The following SLC2A5 variants were observed in gnomAD, a reference collection of about 807,000 sequenced individuals.
The protein encoded by SLC2A5 is solute carrier family 2, facilitated glucose transporter member 5.
In SLC2A5, 56 loss-of-function variants were observed where a neutral mutation model predicts 50.3. The ratio of observed to expected loss-of-function variants is 1.11; its 90% CI spans 0.90 to 1.39. The LOEUF is 1.39. SLC2A5 is among the 40% of genes most tolerant of loss of function. SLC2A5 has a pLI of 0.00. For synonymous variants in SLC2A5, 269 were observed against 281.9 expected (o/e 0.95, Z 0.46); for missense variants, 566 against 650.1 (o/e 0.87, Z 1.41).
chr1:9,087,269 A>G (rs1642412641), intron 1 of SLC2A5, among the ~76,000 whole-genome samples: 1 of 151,162 alleles, frequency 6.6e-6, no homozygotes, highest in Non-Finnish European at 1.5e-5. Context: ...CAGTGGTGCA[A>G]TCTTGGCTCA....
intron 3 of SLC2A5, among the ~76,000 whole-genome samples, chr1:9,056,605 G>A (rs956652574): frequency 1.3e-5 from 2 of 151,986 alleles, no homozygotes; most frequent in South Asian, 2.1e-4. Flanking sequence ...ATCCCTAGAC[G>A]GGTTGGACAA....
At chr1:9,066,139 GTTGC>G (rs1642076220) in intron 1 of SLC2A5, among the ~76,000 whole-genome samples, 4 of 152,172 alleles carry the variant, frequency 2.6e-5, no homozygotes, top group African/African-American at 9.7e-5. Context: ...TACTCAACTA[GTTGC>G]TGGTGGAGCC....
chr1:9,068,211 C>CGA (rs992597309), intron 1 of SLC2A5, among the ~76,000 whole-genome samples: 8 of 101,232 alleles, frequency 7.9e-5, no homozygotes, highest in East Asian at 3.6e-4. Flanking sequence ...AAAAAAAAAG[C>CGA]GAGAGAGAGA....
chr1:9,084,954 T>C (rs12057692), intron 2 of SLC2A5: 36,737 of 152,260 alleles, frequency 0.24, 5,440 homozygotes, highest in East Asian at 0.51. Context: ...TTCCTGAATG[T>C]GGCGCATCAG....
chr1:9,037,443 G>A lies in SLC2A5; in HGVS notation c.*143C>T, dbSNP rs1641160153. ...GGCAGCCCTTTGCACAGTTCCCACT[G>A]GGGTGGGGAGGCTGGAGATGAGGAC... On this transcript the variant is annotated 3_prime_UTR_variant, in exon 12 of 12. Coordinates refer to ENST00000377424, the MANE Select transcript of SLC2A5 (RefSeq NM_003039.3). 1.4e-6 allele frequency: 1 copy of A among 704,494 alleles called. No individual in the cohort carries two copies. Among genetic ancestry groups the A allele is most frequent in the Admixed American group, 2.4e-5 (1 of 41,930 alleles). The allele number at this position is 704,494 out of a possible 1,614,324, so 43.6% of individuals were successfully genotyped here.
upstream of SLC2A5, among the ~76,000 whole-genome samples, chr1:9,093,169 G>C (rs1267039212): frequency 6.6e-6 from 1 of 152,040 alleles, no homozygotes; most frequent in African/African-American, 2.4e-5. Context: ...ACAGCCAGGA[G>C]ACTGGGTTCT....
intron 3 of SLC2A5, among the ~76,000 whole-genome samples, chr1:9,050,640 C>G (rs1224939128): frequency 6.6e-6 from 1 of 151,938 alleles, no homozygotes; most frequent in East Asian, 1.9e-4. Context: ...AAAAAAAAAT[C>G]TAGACAGTCT....
intron 3 of SLC2A5, among the ~76,000 whole-genome samples, 149 bp downstream of exon 3, chr1:9,057,292 TAAAAAAA>T (rs760221358): frequency 9.7e-5 from 10 of 103,440 alleles, no homozygotes; most frequent in Non-Finnish European, 1.7e-4. Context: ...TCTCAAAAAT[TAAAAAAA>T]AAAAAAAAAA....
intron 2 of SLC2A5, among the ~76,000 whole-genome samples, chr1:9,081,760 T>C (rs146984374): frequency 6.6e-6 from 1 of 152,166 alleles, no homozygotes; most frequent in East Asian, 1.9e-4. Context: ...TTAGGATGGC[T>C]ATCATACTTA....
intron 1 of SLC2A5, among the ~76,000 whole-genome samples, chr1:9,068,213 A>C (rs1362269549): frequency 5.0e-5 from 7 of 138,764 alleles, no homozygotes; most frequent in African/African-American, 2.7e-5. Context: ...AAAAAAAGCG[A>C]GAGAGAGAGA....
intron 2 of SLC2A5, among the ~76,000 whole-genome samples, chr1:9,078,538 C>T (rs1417185234): frequency 6.6e-6 from 1 of 152,080 alleles, no homozygotes; most frequent in African/African-American, 2.4e-5. Context: ...CCAGAAATTA[C>T]CACTAACGAA....
At chr1:9,038,590 G>A in intron 9 of SLC2A5, 84 bp from the exon 10 acceptor site, 1 of 1,310,904 alleles carries the variant, frequency 7.6e-7, no homozygotes, top group Admixed American at 1.9e-5. Context: ...CCTGGTGGGT[G>A]GAGGATGGCA....
upstream of SLC2A5, among the ~76,000 whole-genome samples, chr1:9,092,598 G>C (rs1437531239): frequency 6.6e-6 from 1 of 152,086 alleles, no homozygotes; most frequent in Admixed American, 6.6e-5. Context: ...CAGTAAAAAG[G>C]GTTCAATTTC....
At position 9,057,554 on chromosome 1, in the gene SLC2A5, C is replaced by T; in HGVS notation, c.187G>A (p.Glu63Lys). 1 of 1,613,608 alleles carries T rather than the reference C, an allele frequency of 6.2e-7. No individual in the cohort carries two copies. The highest frequency in any genetic ancestry group is 8.5e-7 in the Non-Finnish European group (1 of 1,179,576). ...TYYGRTGEFM[E>K]DFPLTLLWSV... ...CACAGCAACGTCAAGGGGAAGTCTT[C>T]CATGAATTCACCGGTCCTACCATAG... is the stretch of plus-strand genomic sequence containing the variant. The change falls in exon 3 of 12, where the codon GAA becomes AAA. Residue 63 changes from glutamate (E) to lysine (K), a missense_variant. By Grantham distance (56) the Glu-to-Lys change is moderately conservative. Transcript: ENST00000377424.
intron 1 of SLC2A5, among the ~76,000 whole-genome samples, chr1:9,065,805 C>T (rs907146059): frequency 6.6e-5 from 10 of 152,098 alleles, no homozygotes; most frequent in African/African-American, 1.9e-4. Context: ...TGAGACCAGC[C>T]TGGGCAACAT....
chr1:9,043,045 G>A (rs1397617374), intron 4 of SLC2A5, among the ~76,000 whole-genome samples: 1 of 152,166 alleles, frequency 6.6e-6, no homozygotes, highest in Non-Finnish European at 1.5e-5. Context: ...TAATTTTGCA[G>A]CTTCCAAAGT....
At chr1:9,075,498 G>A (rs1383699859) in intron 2 of SLC2A5, among the ~76,000 whole-genome samples, 1 of 152,030 alleles carries the variant, frequency 6.6e-6, no homozygotes, top group East Asian at 1.9e-4. Context: ...ACCTACAACT[G>A]TCTTGGTAAA....
At chr1:9,049,752 G>C (rs1328082836) in intron 3 of SLC2A5, among the ~76,000 whole-genome samples, 4 of 151,288 alleles carry the variant, frequency 2.6e-5, no homozygotes, top group African/African-American at 9.7e-5. Context: ...ACAGAACAGA[G>C]AGTCCAGAAA....
chr1:9,086,215 G>A (rs960169576), intron 1 of SLC2A5, among the ~76,000 whole-genome samples: 5 of 152,096 alleles, frequency 3.3e-5, no homozygotes, highest in African/African-American at 4.8e-5. Context: ...GTAACTGCCC[G>A]ATGGGTTCTT....
Sources: gnomAD v4.1 joint callset for allele counts (sites outside exome capture counted in the v4.1 genomes callset) on GRCh38, gnomAD v4.1.1 for gene constraint, MANE v1.5 for transcripts, NCBI Gene and HGNC (gene_info 2026-07-23, HGNC 2026-07-21) for gene names.